The following RNF183 variants were observed in gnomAD, a reference collection of about 807,000 sequenced individuals.
RNF183 encodes the protein E3 ubiquitin-protein ligase RNF183.
In RNF183, 4 loss-of-function variants were observed where a neutral mutation model predicts 9.0. That is an observed-to-expected ratio of 0.44 (90% CI 0.22 to 1.01). The LOEUF is 1.01. RNF183 is among the 50% of genes least tolerant of loss of function. The pLI, the probability that RNF183 is intolerant of heterozygous loss-of-function variation, is 0.25. For missense variants in RNF183, 227 were observed against 253.6 expected (o/e 0.89, Z 0.71); for synonymous variants, 102 against 107.5 (o/e 0.95, Z 0.32).
In RNF183 at chr9:113,300,797, A is replaced by G. The variant is rs146920321; in HGVS notation, c.-242+875T>C. On this transcript the variant is annotated intron_variant, in intron 3 of 4. Transcript: ENST00000489339. ...GGATTTTATTCCAGGGGTGAGCGGT[A>G]GGGTAAGGTACCTGATCCTATTTCC... Among the ~76,000 whole-genome samples, 3 of 152,296 alleles carry G rather than the reference A, an allele frequency of 2.0e-5. No individual in the cohort carries two copies. The East Asian group carries it at 5.8e-4, about 29-fold the overall frequency.
chr9:113,301,027 A>G (rs780806720), intron 3 of RNF183, among the ~76,000 whole-genome samples: 2 of 152,110 alleles, frequency 1.3e-5, no homozygotes, highest in Non-Finnish European at 2.9e-5. Context: ...GAAGCAGTGG[A>G]GTTCTAGGGA....
chr9:113,297,188 A>AT lies in RNF183; in HGVS notation c.*417dup, dbSNP rs34262687. 0.16 allele frequency: 23,885 copies of AT among 145,848 alleles called. 2,176 individuals are homozygous for AT. The highest frequency in any genetic ancestry group is 0.22 in the Non-Finnish European group (14,265 of 66,264). 9.0% of individuals were successfully genotyped at this position (145,848 alleles called of 1,614,324 possible). On this transcript the variant is annotated 3_prime_UTR_variant, in exon 5 of 5. Coordinates refer to ENST00000489339, the MANE Select transcript of RNF183 (RefSeq NM_001371237.1). ...CCACAGAATTGAAGCTCACTTCCCAATTTTTTTTTTTTTTTTAGCAACCCA... is the reference window on the plus strand; with the variant it reads ...CCACAGAATTGAAGCTCACTTCCCAATTTTTTTTTTTTTTTTTAGCAACCCA...
At chr9:113,302,946 A>G (rs1832962588) in intron 1 of RNF183, 110 bp downstream of exon 1, 1 of 152,292 alleles carries the variant, frequency 6.6e-6, no homozygotes, top group South Asian at 2.1e-4. Flanking sequence ...TGAACCCAGT[A>G]GCCTGCCCTC....
Position 113,297,860 on chromosome 9 carries a change from A to G in RNF183, c.325T>C (p.Phe109Leu). 1 of 1,607,032 alleles carries G rather than the reference A, an allele frequency of 6.2e-7. No homozygotes were observed. The highest frequency in any genetic ancestry group is 8.5e-7 in the Non-Finnish European group (1 of 1,176,462). Residue 109 changes from phenylalanine to leucine, a missense_variant, in exon 5 of 5, where the codon TTC becomes CTC. Transcript: ENST00000489339. Reference protein sequence around the residue: ...CLKDQPKSRYFLRQPQVYTLD... With the variant: ...CLKDQPKSRYLLRQPQVYTLD... ...GTGTAGACTTGAGGCTGGCGCAGGAAGTAGCGGCTCTTGGGCTGGTCCTTG... is the reference window on the plus strand; with the variant it reads ...GTGTAGACTTGAGGCTGGCGCAGGAGGTAGCGGCTCTTGGGCTGGTCCTTG...
At chr9:113,300,880 G>A (rs111459239) in intron 3 of RNF183, among the ~76,000 whole-genome samples, 290 of 152,286 alleles carry the variant, frequency 1.9e-3, no homozygotes, top group Non-Finnish European at 3.3e-3. Context: ...GGATAAGATC[G>A]GGAAGGGAAC....
chr9:113,302,674 T>C (rs1832952100), intron 1 of RNF183, among the ~76,000 whole-genome samples: 1 of 152,140 alleles, frequency 6.6e-6, no homozygotes, highest in African/African-American at 2.4e-5. Flanking sequence ...GGAACCAGAT[T>C]TGGAACAATT....
rs756434985 is a variant in RNF183 at position 113,298,033 on chromosome 9, C to T, written c.152G>A (p.Arg51Gln). 1.1e-5 allele frequency: 17 copies of T among 1,613,822 alleles called. No individual in the cohort carries two copies. In the African/African-American group the frequency reaches 1.5e-4, roughly 14 times the overall value. ...ACAGAGTGGGCACAGCAGGCGGCGC[C>T]GGGCTGGAGTCACAAGGCTGAGGTG... Reference protein sequence around the residue: ...LAHLSLVTPARRRLLCPLCRQ... With the variant: ...LAHLSLVTPAQRRLLCPLCRQ... The change falls in exon 5 of 5, where the codon CGG becomes CAG. Residue 51 changes from arginine to glutamine, a missense_variant. Physicochemically the swap from Arg to Gln is conservative, Grantham distance 43 (BLOSUM62 1). Coordinates refer to ENST00000489339, the MANE Select transcript of RNF183 (RefSeq NM_001371237.1). This position sits in a 1 kb window ranked among gnomAD's most constrained non-coding sequence, Gnocchi z 4.9.
chr9:113,298,276 T>C lies in RNF183; in HGVS notation c.-37-55A>G, dbSNP rs1241291997. 18 of 1,134,200 alleles carry C rather than the reference T, an allele frequency of 1.6e-5. No homozygotes were observed. Among genetic ancestry groups the C allele is most frequent in the Non-Finnish European group, 2.3e-5 (18 of 775,214 alleles). 70.3% of individuals were successfully genotyped at this position (1,134,200 alleles called of 1,614,324 possible). A position where few individuals can be genotyped will look rare whatever the true frequency, so the allele number is the denominator to read the frequency against. The stretch of plus-strand genomic sequence containing the variant: ...CAGCCATGAAGTCCCATCCTTGTGC[T>C]TGGCCTGGGGCAAAGTGTTCTGTGG... On this transcript the variant is annotated intron_variant, in intron 4 of 4. Coordinates refer to ENST00000489339, the MANE Select transcript of RNF183 (RefSeq NM_001371237.1). This position sits in a 1 kb window ranked among gnomAD's most constrained non-coding sequence, Gnocchi z 4.9.
chr9:113,297,572 G>T lies in RNF183; in HGVS notation c.*34C>A, dbSNP rs1487726367. The T allele has an allele frequency of 6.8e-7, 1 of 1,481,136 alleles. No homozygotes were observed. The highest frequency in any genetic ancestry group is 1.3e-5 in the South Asian group (1 of 76,718). 91.7% of individuals were successfully genotyped at this position (1,481,136 alleles called of 1,614,324 possible). On this transcript the variant is annotated 3_prime_UTR_variant, in exon 5 of 5. Transcript: ENST00000489339. ...GTAGTCACCATACCCAGCAGCAACC[G>T]AAAAAGGTTTGGTTTCTTGTCTGGG...
rs1832759808 is a variant in RNF183, at chr9:113,297,559, C to T, written c.*47G>A. ...CAAATGAGGCTCCGTAGTCACCATA[C>T]CCAGCAGCAACCGAAAAAGGTTTGG... On this transcript the variant is annotated 3_prime_UTR_variant, in exon 5 of 5. Coordinates refer to ENST00000489339, the MANE Select transcript of RNF183 (RefSeq NM_001371237.1). The T allele has an allele frequency of 7.4e-7, 1 of 1,345,924 alleles. No homozygotes were observed. Among genetic ancestry groups the T allele is most frequent in the Non-Finnish European group, 1.0e-6 (1 of 970,974 alleles). 83.4% of individuals were successfully genotyped at this position (1,345,924 alleles called of 1,614,324 possible).
rs1365201364 is a variant in RNF183, at chr9:113,303,191, CCAGCTCTCGCTGTT to C, written c.-590_-577del. The C allele has an allele frequency of 1.3e-5, 2 of 152,806 alleles. No individual in the cohort carries two copies. The highest frequency in any genetic ancestry group is 2.9e-5 in the Non-Finnish European group (2 of 68,496). 9.5% of individuals were successfully genotyped at this position (152,806 alleles called of 1,614,324 possible). On this transcript the variant is annotated 5_prime_UTR_variant, in exon 1 of 5. The change abolishes the stop of an existing upstream ORF in the 5' untranslated region. Transcript: ENST00000489339. Reference sequence around the variant, plus strand: ...TTGCATAGGTCTTAGCAGCGTTTGGCCAGCTCTCGCTGTTTCAGGTTTTCTTCTTCCTTCTGGTG... The same window carrying C: ...TTGCATAGGTCTTAGCAGCGTTTGGCTCAGGTTTTCTTCTTCCTTCTGGTG...
rs752676946 is a variant in RNF183 at position 113,297,841 on chromosome 9, A to G, written c.344T>C (p.Val115Ala). 1.2e-6 allele frequency: 2 copies of G among 1,609,060 alleles called. No individual in the cohort carries two copies. Among genetic ancestry groups the G allele is most frequent in the Non-Finnish European group, 1.7e-6 (2 of 1,177,410 alleles). ...CTGGGGGCCAAGGTCCAGCGTGTAG[A>G]CTTGAGGCTGGCGCAGGAAGTAGCG... is the stretch of plus-strand genomic sequence containing the variant. ...KSRYFLRQPQ[V>A]YTLDLGPQPG... The change falls in exon 5 of 5, where the codon GTC becomes GCC. Residue 115 changes from valine (V) to alanine (A), a missense_variant. Coordinates refer to ENST00000489339, the MANE Select transcript of RNF183 (RefSeq NM_001371237.1).
chr9:113,300,058 C>G (rs1160759771), intron 3 of RNF183, among the ~76,000 whole-genome samples: 1 of 152,188 alleles, frequency 6.6e-6, no homozygotes. Context: ...AAGAGGGGAT[C>G]TGGGGGAAGG....
At position 113,297,783 on chromosome 9, in the gene RNF183, C is replaced by A. The variant is rs769117547; in HGVS notation, c.402G>T (p.Thr134=). Residue 134 remains threonine, a synonymous_variant, in exon 5 of 5, where the codon ACG becomes ACT. Transcript: ENST00000489339. ...TGGGCGTAGACACGGTGGCAGAGGCCGTGTCTGGGGGCGGCCCAGTCTGGC... is the reference window on the plus strand; with the variant it reads ...TGGGCGTAGACACGGTGGCAGAGGCAGTGTCTGGGGGCGGCCCAGTCTGGC... ...PGGQTGPPPD[T]ASATVSTPIL... is the part of the protein sequence containing the mutation. 11 of 1,613,038 alleles carry A rather than the reference C, an allele frequency of 6.8e-6. No individual in the cohort carries two copies. In the Admixed American group the frequency reaches 1.0e-4, roughly 15 times the overall value.
At position 113,297,822 on chromosome 9, in the gene RNF183, G is replaced by T; in HGVS notation, c.363C>A (p.Gly121=). 1 of 1,610,592 alleles carries T rather than the reference G, an allele frequency of 6.2e-7. No individual in the cohort carries two copies. Among genetic ancestry groups the T allele is most frequent in the Non-Finnish European group, 8.5e-7 (1 of 1,178,086 alleles). Residue 121 remains glycine, a synonymous_variant, in exon 5 of 5, where the codon GGC becomes GGA. Transcript: ENST00000489339. The stretch of plus-strand genomic sequence containing the variant: ...GCCCAGTCTGGCCCCCAGGCTGGGG[G>T]CCAAGGTCCAGCGTGTAGACTTGAG... ...RQPQVYTLDL[G]PQPGGQTGPP...
At chr9:113,301,415 T>C (rs1442687586) in intron 3 of RNF183, among the ~76,000 whole-genome samples, 1 of 152,220 alleles carries the variant, frequency 6.6e-6, no homozygotes, top group East Asian at 1.9e-4. Flanking sequence ...ATTGCGTGTG[T>C]CTTTCAACAT....
chr9:113,298,233 G>C lies in RNF183; in HGVS notation c.-37-12C>G. On this transcript the variant is annotated splice_polypyrimidine_tract_variant and intron_variant, in intron 4 of 4. Transcript: ENST00000489339. This position sits in a 1 kb window ranked among gnomAD's most constrained non-coding sequence, Gnocchi z 4.9. ...TCGCGGGAGACGTCCTGGCAGAAGG[G>C]GGAAAGGAGCAAAGGAACAGCCATG... 6.7e-7 allele frequency: 1 copy of C among 1,493,064 alleles called. No individual in the cohort carries two copies. Among genetic ancestry groups the C allele is most frequent in the Non-Finnish European group, 9.2e-7 (1 of 1,085,608 alleles). 92.5% of individuals were successfully genotyped at this position (1,493,064 alleles called of 1,614,324 possible). A position where few individuals can be genotyped will look rare whatever the true frequency, so the allele number is the denominator to read the frequency against.
chr9:113,301,936 T>C (rs141962606), intron 2 of RNF183, 185 bp from the exon 3 acceptor site: 267 of 152,262 alleles, frequency 1.8e-3, no homozygotes, highest in African/African-American at 6.3e-3. Flanking sequence ...ATACCTAGGA[T>C]ATAATGTCAT....
chr9:113,297,958 G>A lies in RNF183; in HGVS notation c.227C>T (p.Thr76Met), dbSNP rs541960792. The change falls in exon 5 of 5, where the codon ACG (threonine) becomes ATG (methionine). Residue 76 changes from threonine (T) to methionine (M), a missense_variant. Physicochemically the swap from Thr to Met is moderately conservative, Grantham distance 81. Coordinates refer to ENST00000489339, the MANE Select transcript of RNF183 (RefSeq NM_001371237.1). Reference protein sequence around the residue: ...ASGQPVTDLPTDTAMLALLRL... With the variant: ...ASGQPVTDLPMDTAMLALLRL... Reference sequence around the variant, plus strand: ...GAGCAGGGCGAGCATGGCAGTGTCCGTGGGCAAGTCAGTGACAGGCTGCCC... The same window carrying A: ...GAGCAGGGCGAGCATGGCAGTGTCCATGGGCAAGTCAGTGACAGGCTGCCC... 4.2e-5 allele frequency: 67 copies of A among 1,613,822 alleles called. No individual in the cohort carries two copies. Among genetic ancestry groups the A allele is most frequent in the Admixed American group, 1.5e-4 (9 of 60,016 alleles).
Sources: gnomAD v4.1 joint callset for allele counts (sites outside exome capture counted in the v4.1 genomes callset) on GRCh38, gnomAD v4.1.1 for gene constraint, Gnocchi (gnomAD v3.1) non-coding constraint, MANE v1.5 for transcripts, NCBI Gene and HGNC (gene_info 2026-07-23, HGNC 2026-07-21) for gene names.